C19orf38: variants seen among roughly 807,000 people sequenced by gnomAD.
C19orf38 encodes the protein protein HIDE1.
In C19orf38, 14 loss-of-function variants were observed where a neutral mutation model predicts 26.6. The observed-to-expected ratio is 0.53, with a 90% CI of 0.35 to 0.82. The LOEUF is 0.82. Ranked by LOEUF, C19orf38 falls within the 40% of genes least tolerant of loss-of-function variation. The pLI is 0.01. For missense variants in C19orf38, 261 were observed against 299.5 expected (o/e 0.87, Z 0.95); for synonymous variants, 132 against 128.5 (o/e 1.03, Z -0.18).
upstream of C19orf38, among the ~76,000 whole-genome samples, chr19:10,844,993 C>CCAAAAAAAAAAA (rs1392603522): frequency 1.0e-5 from 1 of 95,806 alleles, no homozygotes; most frequent in African/African-American, 3.9e-5. Flanking sequence ...CCTTTCTCTA[C>CCAAAAAAAAAAA]AAAAAAAAAA....
chr19:10,869,316 G>T lies in C19orf38; in HGVS notation c.642G>T (p.Thr214=). The change falls in exon 7 of 7, where the codon ACG becomes ACT. Residue 214 remains threonine (T), a synonymous_variant. Transcript: ENST00000397820. The part of the protein sequence containing the change: ...NSRTRKRPTS[T]SSSPETPEFS... ...GGACCCGGAAGAGGCCCACTTCCAC[G>T]TCCTCCTCGCCTGAGACCCCCGAAT... 6.4e-7 allele frequency: 1 copy of T among 1,551,540 alleles called. No individual in the cohort carries two copies. Among genetic ancestry groups the T allele is most frequent in the Non-Finnish European group, 8.7e-7 (1 of 1,146,948 alleles).
upstream of C19orf38, among the ~76,000 whole-genome samples, chr19:10,843,552 T>A (rs893962829): frequency 4.6e-5 from 7 of 152,332 alleles, no homozygotes; most frequent in African/African-American, 1.7e-4. Context: ...CCATTTTCAT[T>A]CATCCTAATG....
chr19:10,853,076 T>G (rs192675354), intron 2 of C19orf38, among the ~76,000 whole-genome samples: 1 of 152,080 alleles, frequency 6.6e-6, no homozygotes, highest in East Asian at 1.9e-4. Flanking sequence ...TTTTATTTTT[T>G]TTTTAGATAG....
intron 6 of C19orf38, among the ~76,000 whole-genome samples, chr19:10,865,049 C>A (rs143980868): frequency 6.6e-6 from 1 of 152,208 alleles, no homozygotes; most frequent in Non-Finnish European, 1.5e-5. Flanking sequence ...AAGAAAAACC[C>A]GGCAGGCAGG....
intron 5 of C19orf38, among the ~76,000 whole-genome samples, chr19:10,862,091 G>A (rs1052591005): frequency 1.3e-5 from 2 of 150,268 alleles, no homozygotes; most frequent in African/African-American, 2.5e-5. Context: ...TAGTAGAGAT[G>A]GGATTTCACC....
At chr19:10,847,261 C>G (rs935896623), upstream of C19orf38, among the ~76,000 whole-genome samples, 4 of 151,928 alleles carry the variant, frequency 2.6e-5, no homozygotes, top group Non-Finnish European at 4.4e-5. Flanking sequence ...TGTGGCTGAT[C>G]AAACTTCTGA....
chr19:10,861,378 G>C (rs2073697127), intron 5 of C19orf38, among the ~76,000 whole-genome samples: 1 of 152,188 alleles, frequency 6.6e-6, no homozygotes, highest in African/African-American at 2.4e-5. Flanking sequence ...CCCAAGCAGA[G>C]AAATGTATTC....
rs1426731583 is a variant in C19orf38 at position 10,854,221 on chromosome 19, C to A, written c.341-2044C>A. On this transcript the variant is annotated intron_variant, in intron 2 of 6. Coordinates refer to ENST00000397820, the MANE Select transcript of C19orf38 (RefSeq NM_001136482.3). Reference sequence around the variant, plus strand: ...GGGACTACAGGCGCCAACCACCACACCCTGCTAATTTTTGTATTTTTTAGT... The same window carrying A: ...GGGACTACAGGCGCCAACCACCACAACCTGCTAATTTTTGTATTTTTTAGT... Among the ~76,000 whole-genome samples, 6 of 151,880 alleles carry A rather than the reference C, an allele frequency of 4.0e-5. No homozygotes were observed. In the East Asian group the frequency reaches 5.8e-4, roughly 15 times the overall value.
intron 3 of C19orf38, among the ~76,000 whole-genome samples, chr19:10,857,366 ATTTTTTT>A (rs773726753): frequency 1.8e-5 from 1 of 56,102 alleles, no homozygotes; most frequent in Non-Finnish European, 2.6e-5. Context: ...ATATATATAT[ATTTTTTT>A]TTTTTTTTTT....
upstream of C19orf38, among the ~76,000 whole-genome samples, chr19:10,847,368 TC>T (rs566061487): frequency 6.8e-6 from 1 of 148,128 alleles, no homozygotes; most frequent in Non-Finnish European, 1.5e-5. Context: ...TGTCCACTGC[TC>T]TTTTTTTTTT....
At chr19:10,852,614 C>T (rs1358426531) in intron 2 of C19orf38, among the ~76,000 whole-genome samples, 1 of 152,108 alleles carries the variant, frequency 6.6e-6, no homozygotes, top group Non-Finnish European at 1.5e-5. Context: ...GTGTTGCAGG[C>T]AGAGGATACA....
chr19:10,861,385 AT>A (rs200845303), intron 5 of C19orf38, among the ~76,000 whole-genome samples: 2 of 152,162 alleles, frequency 1.3e-5, no homozygotes, highest in East Asian at 3.9e-4. Context: ...AGAGAAATGT[AT>A]TCTCTGTACT....
chr19:10,848,137 G>T (rs1016388696), upstream of C19orf38, among the ~76,000 whole-genome samples: 1 of 152,164 alleles, frequency 6.6e-6, no homozygotes, highest in Non-Finnish European at 1.5e-5. Flanking sequence ...GCTGCAGTGA[G>T]CCGAGATCGC....
chr19:10,852,393 C>T (rs1490872666), intron 2 of C19orf38, among the ~76,000 whole-genome samples: 1 of 152,298 alleles, frequency 6.6e-6, no homozygotes, highest in East Asian at 1.9e-4. Context: ...AATATATATT[C>T]AACCTGCCAG....
At chr19:10,849,769 A>G (rs1370551546) in intron 1 of C19orf38, among the ~76,000 whole-genome samples, 2 of 152,160 alleles carry the variant, frequency 1.3e-5, no homozygotes, top group African/African-American at 2.4e-5. Context: ...CAATGCTATT[A>G]TTGAAAACTG....
At chr19:10,864,155 G>A (rs370250673) in intron 6 of C19orf38, among the ~76,000 whole-genome samples, 2 of 152,088 alleles carry the variant, frequency 1.3e-5, no homozygotes, top group East Asian at 1.9e-4. Flanking sequence ...CGACTCCCGG[G>A]TTCAAGCAAT....
In C19orf38 at chr19:10,859,975, T is replaced by C; in HGVS notation, c.505+17T>C. On this transcript the variant is annotated intron_variant, in intron 5 of 6. Transcript: ENST00000397820. ...ACAGCACAGGTCTGTGCCTCCACAC[T>C]CCTGACTCCAGTGGGGAAAGGATTA... The C allele has an allele frequency of 6.5e-7, 1 of 1,548,914 alleles. No individual in the cohort carries two copies. Among genetic ancestry groups the C allele is most frequent in the Non-Finnish European group, 8.7e-7 (1 of 1,144,308 alleles).
At position 10,863,213 on chromosome 19, in the gene C19orf38, TG is replaced by T; in HGVS notation, c.543+8del. Reference sequence around the variant, plus strand: ...CCCTGTTTACCGTCTCCGCGGTGAGTGGTTCTTTTTCTTGGAACCGGTTTTC... The same window carrying T: ...CCCTGTTTACCGTCTCCGCGGTGAGTGTTCTTTTTCTTGGAACCGGTTTTC... On this transcript the variant is annotated splice_region_variant and intron_variant, in intron 6 of 6. Coordinates refer to ENST00000397820, the MANE Select transcript of C19orf38 (RefSeq NM_001136482.3). 6.4e-7 allele frequency: 1 copy of T among 1,551,130 alleles called. No individual in the cohort carries two copies. Among genetic ancestry groups the T allele is most frequent in the Non-Finnish European group, 8.7e-7 (1 of 1,146,572 alleles).
intron 5 of C19orf38, 121 bp downstream of exon 5, chr19:10,860,079 C>A (rs2073680649): frequency 1.0e-6 from 1 of 1,003,798 alleles, no homozygotes; most frequent in African/African-American, 1.6e-5. Context: ...AGGGTCAAAA[C>A]ACACCCTCGC....
Sources: allele counts gnomAD v4.1 joint callset (sites outside exome capture counted in the v4.1 genomes callset), GRCh38; gene constraint gnomAD v4.1.1; transcripts MANE v1.5; gene names NCBI Gene and HGNC (gene_info 2026-07-23, HGNC 2026-07-21).